Variants in CRAMP1 observed in about 807,000 individuals in gnomAD.
The protein encoded by CRAMP1 is protein cramped-like.
Under a neutral mutation model 115.4 loss-of-function variants are expected in CRAMP1, and 50 were observed. The ratio of observed to expected loss-of-function variants is 0.43; its 90% CI spans 0.35 to 0.55. The LOEUF is 0.55. CRAMP1 is among the 20% of genes least tolerant of loss of function. The probability of loss-of-function intolerance (pLI) is 0.01; values close to 1 mark genes in which losing one functional copy is unlikely to be tolerated. For synonymous variants in CRAMP1, 866 were observed against 745.4 expected (o/e 1.16, Z -2.64); for missense variants, 1,679 against 1,721.7 (o/e 0.98, Z 0.44).
chr16:1,623,119 A>G (rs1484309887), intron 2 of CRAMP1, among the ~76,000 whole-genome samples: 1 of 151,554 alleles, frequency 6.6e-6, no homozygotes. Context: ...CTTGTCTTGA[A>G]CTCCCAACCT....
At chr16:1,620,575 A>G in intron 2 of CRAMP1, 1 of 451,594 alleles carries the variant, frequency 2.2e-6, no homozygotes, top group Non-Finnish European at 4.5e-6. Flanking sequence ...CAGGACAGTG[A>G]ATTGATGTTA....
At chr16:1,639,100 A>G (rs1023492647) in intron 5 of CRAMP1, among the ~76,000 whole-genome samples, 1 of 151,662 alleles carries the variant, frequency 6.6e-6, no homozygotes, top group Non-Finnish European at 1.5e-5. Flanking sequence ...CCCAGCTCTC[A>G]TCTTCCCCAG....
At chr16:1,642,512 T>C (rs2142187070) in intron 6 of CRAMP1, among the ~76,000 whole-genome samples, 1 of 152,286 alleles carries the variant, frequency 6.6e-6, no homozygotes, top group Non-Finnish European at 1.5e-5. Context: ...CCGCCAGCCA[T>C]AGGGAGGGTG....
At chr16:1,617,014 C>T (rs1020284228) in intron 2 of CRAMP1, among the ~76,000 whole-genome samples, 27 of 150,954 alleles carry the variant, frequency 1.8e-4, no homozygotes, top group Admixed American at 7.3e-4. Context: ...TTAGTTGAGA[C>T]GGGGTTTCAC....
At chr16:1,652,978 T>A (rs1680263529) in intron 7 of CRAMP1, 55 bp from the exon 8 acceptor site, 2 of 1,605,816 alleles carry the variant, frequency 1.2e-6, no homozygotes, top group Non-Finnish European at 1.7e-6. Context: ...CAGCCCTTGG[T>A]TTTCTACCTT....
chr16:1,614,501 G>T lies in CRAMP1; in HGVS notation c.-1-138G>T, dbSNP rs979814232. ...GGCAGGGGCCGCGGCGGGCTCGGGC[G>T]GGCTCGGGCGGGCCGGGCCGAGCCG... On this transcript the variant is annotated intron_variant, in intron 1 of 20. Transcript: ENST00000397412. This position sits in a 1 kb window ranked among gnomAD's most constrained non-coding sequence, Gnocchi z 4.4. The T allele has an allele frequency of 1.0e-5, 3 of 298,604 alleles. No homozygotes were observed. The highest frequency in any genetic ancestry group is 1.3e-4 in the South Asian group (1 of 7,840). The allele number at this position is 298,604 out of a possible 1,614,324, so 18.5% of individuals were successfully genotyped here.
Position 1,656,558 on chromosome 16 carries a change from G to GCTC in CRAMP1, c.1804_1806dup (p.Pro602dup). ...CGGGGCGGCCTCCCCAGAGGTGCTG[G>GCTC]CTCCTGTCAGCAAGGAGGCTGCTGA... On this transcript the variant is annotated inframe_insertion, in exon 10 of 21. Coordinates refer to ENST00000397412, the MANE Select transcript of CRAMP1 (RefSeq NM_020825.4). The surrounding 1 kb of genome is among the most constrained non-coding windows in gnomAD (Gnocchi z 5.6). 6.4e-7 allele frequency: 1 copy of GCTC among 1,556,584 alleles called. No individual in the cohort carries two copies. Among genetic ancestry groups the GCTC allele is most frequent in the Non-Finnish European group, 8.7e-7 (1 of 1,150,434 alleles).
At chr16:1,673,756 C>T (rs954858517) in intron 20 of CRAMP1, 125 bp from the exon 21 acceptor site, 2 of 827,376 alleles carry the variant, frequency 2.4e-6, no homozygotes, top group Non-Finnish European at 4.0e-6. Context: ...CCTGGGCTGC[C>T]ATCCCTAGCT....
rs371068391 is a variant in CRAMP1, at chr16:1,670,801, G to A, written c.3637G>A (p.Val1213Ile). 7 of 1,613,810 alleles carry A rather than the reference G, an allele frequency of 4.3e-6. No individual in the cohort carries two copies. In the Admixed American group the frequency reaches 5.0e-5, roughly 12 times the overall value. Reference sequence around the variant, plus strand: ...ATTTGTGTCCAGGTCCCTGGCTGACGTTGCAGAGGTGAGTGCATTGACCTC... The same window carrying A: ...ATTTGTGTCCAGGTCCCTGGCTGACATTGCAGAGGTGAGTGCATTGACCTC... Reference protein sequence around the residue: ...DSFVSRSLADVAEVVDSQLVC... With the variant: ...DSFVSRSLADIAEVVDSQLVC... Residue 1213 changes from valine (V) to isoleucine (I), a missense_variant, in exon 20 of 21, where the codon GTT becomes ATT. Physicochemically the swap from Val to Ile is conservative, Grantham distance 29. This residue lies in a region of CRAMP1 where 709 missense variants were observed against 741.9 expected (regional missense o/e 0.96). Transcript: ENST00000397412.
Position 1,655,427 on chromosome 16 carries a change from G to T in CRAMP1, c.1119+127G>T, listed in dbSNP as rs1341176459. The stretch of plus-strand genomic sequence containing the variant: ...GGCAGAACAGCCATGCTGTGACATG[G>T]TGTACATCTGGAACCATAACCTGGA... On this transcript the variant is annotated intron_variant, in intron 9 of 20. Transcript: ENST00000397412. 1.6e-5 allele frequency: 12 copies of T among 774,104 alleles called. No homozygotes were observed. In the Admixed American group the frequency reaches 2.2e-4, roughly 14 times the overall value. The allele number at this position is 774,104 out of a possible 1,614,324, so 48.0% of individuals were successfully genotyped here.
intron 2 of CRAMP1, chr16:1,620,824 C>T (rs992302090): frequency 1.3e-4 from 49 of 386,694 alleles, no homozygotes; most frequent in South Asian, 6.1e-4. Flanking sequence ...GCTGTTCTGA[C>T]GGCACGGCAT....
rs758950605 is a variant in CRAMP1, at chr16:1,666,594, C to T, written c.3030C>T (p.Thr1010=). The T allele has an allele frequency of 1.5e-5, 25 of 1,613,496 alleles. No individual in the cohort carries two copies. The highest frequency in any genetic ancestry group is 1.6e-4 in the Middle Eastern group (1 of 6,080). Residue 1010 remains threonine (T), a synonymous_variant, in exon 16 of 21, where the codon ACC becomes ACT. Coordinates refer to ENST00000397412, the MANE Select transcript of CRAMP1 (RefSeq NM_020825.4). This position sits in a 1 kb window ranked among gnomAD's most constrained non-coding sequence, Gnocchi z 5.0. ...GTHQDGDTLP[T]VGGSDPFVSI... ...ACCAGGATGGAGACACCCTCCCCAC[C>T]GTGGGGGTGAGTATGTTTAGAAGGG...
rs1439299640 is a variant in CRAMP1 at position 1,675,766 on chromosome 16, T to C, written c.*1721T>C. ...CTCTTGCCTGAGCTGGCTTCCCTCC[T>C]TCAGACATTGACATGAGATCTTAAG... On this transcript the variant is annotated 3_prime_UTR_variant, in exon 21 of 21. Coordinates refer to ENST00000397412, the MANE Select transcript of CRAMP1 (RefSeq NM_020825.4). The C allele has an allele frequency of 6.6e-6, 1 of 152,230 alleles. No homozygotes were observed. Among genetic ancestry groups the C allele is most frequent in the East Asian group, 1.9e-4 (1 of 5,200 alleles). The allele number at this position is 152,230 out of a possible 1,614,324, so 9.4% of individuals were successfully genotyped here.
intron 6 of CRAMP1, among the ~76,000 whole-genome samples, chr16:1,649,323 G>T (rs1469690993): frequency 6.6e-6 from 1 of 152,154 alleles, no homozygotes; most frequent in Non-Finnish European, 1.5e-5. Context: ...TGGATGGATG[G>T]ATGGACACAT....
At chr16:1,640,014 G>T (rs1418899621) in intron 5 of CRAMP1, among the ~76,000 whole-genome samples, 2 of 152,124 alleles carry the variant, frequency 1.3e-5, no homozygotes, top group African/African-American at 4.8e-5. Context: ...GGTGGGGCAC[G>T]GTGACCCTGT....
chr16:1,640,507 G>A (rs1254163283), intron 5 of CRAMP1, among the ~76,000 whole-genome samples: 1 of 152,200 alleles, frequency 6.6e-6, no homozygotes, highest in Admixed American at 6.5e-5. Flanking sequence ...AGAATTCAAA[G>A]AATTTTACAG....
At chr16:1,631,200 C>G (rs571521227) in intron 3 of CRAMP1, among the ~76,000 whole-genome samples, 2 of 152,322 alleles carry the variant, frequency 1.3e-5, no homozygotes, top group East Asian at 3.9e-4. Flanking sequence ...CGTTCTCCCC[C>G]ACACGTGCAG....
chr16:1,670,506 C>T (rs1333118770), intron 19 of CRAMP1, 158 bp from the exon 20 acceptor site: 3 of 714,136 alleles, frequency 4.2e-6, no homozygotes, highest in Non-Finnish European at 7.3e-6. Context: ...CTCGTCACGG[C>T]GTGTTGAGTC....
chr16:1,648,662 C>G (rs940221881), intron 6 of CRAMP1, among the ~76,000 whole-genome samples: 6 of 152,044 alleles, frequency 3.9e-5, no homozygotes, highest in African/African-American at 9.7e-5. Flanking sequence ...CCAATGTTTC[C>G]CCTGGTTCCT....
Sources: gnomAD v4.1 joint callset for allele counts (sites outside exome capture counted in the v4.1 genomes callset) on GRCh38, gnomAD v4.1.1 for gene constraint, gnomAD v4.1.1 regional missense constraint, Gnocchi (gnomAD v3.1) non-coding constraint, MANE v1.5 for transcripts, NCBI Gene and HGNC (gene_info 2026-07-23, HGNC 2026-07-21) for gene names.